The following ASPH variants were observed in gnomAD, a reference collection of about 807,000 sequenced individuals.
ASPH encodes the protein aspartyl/asparaginyl beta-hydroxylase.
In ASPH, 100 loss-of-function variants were observed where a neutral mutation model predicts 118.4. That is an observed-to-expected ratio of 0.84 (90% CI 0.72 to 1.00). The LOEUF (loss-of-function observed/expected upper bound fraction) is 1.00. Among genes scored for constraint, ASPH ranks in the 50% least tolerant of loss-of-function variants. ASPH has a pLI of 0.00. For synonymous variants in ASPH, 315 were observed against 325.6 expected (o/e 0.97, Z 0.35); for missense variants, 920 against 919.5 (o/e 1.00, Z -0.01).
chr8:61,550,988 G>A (rs1337741719), intron 20 of ASPH, among the ~76,000 whole-genome samples: 1 of 152,194 alleles, frequency 6.6e-6, no homozygotes, highest in Non-Finnish European at 1.5e-5. Context: ...ATCATTGAAT[G>A]AGAGAAGGAA....
At position 61,537,525 on chromosome 8, in the gene ASPH, A is replaced by G. The variant is rs1820078342; in HGVS notation, c.1764+10546T>C. 5.9e-5 allele frequency among the ~76,000 whole-genome samples: 9 copies of G among 152,186 alleles called. No individual in the cohort carries two copies. In the South Asian group the frequency reaches 1.9e-3, roughly 32 times the overall value. ...GTTGGGACTACAGGTGCACACCACC[A>G]TGCCTGGCTAATTTATTATTATTAT... On this transcript the variant is annotated intron_variant, in intron 21 of 24. Coordinates refer to ENST00000379454, the MANE Select transcript of ASPH (RefSeq NM_004318.4).
At chr8:61,626,383 A>ATTTT in intron 13 of ASPH, 1 of 1,006,608 alleles carries the variant, frequency 9.9e-7, no homozygotes, top group South Asian at 3.3e-5. Context: ...CAACAAAGTA[A>ATTTT]TTTTTTTTTT....
intron 19 of ASPH, among the ~76,000 whole-genome samples, chr8:61,554,455 T>C (rs370016745): frequency 1.2e-4 from 18 of 152,162 alleles, no homozygotes; most frequent in African/African-American, 4.1e-4. Context: ...AAAGAGATCA[T>C]AAAAGTGGAA....
intron 14 of ASPH, among the ~76,000 whole-genome samples, chr8:61,605,275 T>C (rs1410106631): frequency 6.6e-6 from 1 of 152,208 alleles, no homozygotes; most frequent in Non-Finnish European, 1.5e-5. Flanking sequence ...TACTCTTCTA[T>C]TGCATTTGGA....
intron 13 of ASPH, among the ~76,000 whole-genome samples, chr8:61,622,883 G>T (rs146333315): frequency 6.6e-6 from 1 of 152,198 alleles, no homozygotes; most frequent in African/African-American, 2.4e-5. Context: ...ATAAAAGTGG[G>T]TCTGCTTACC....
At chr8:61,531,132 C>T (rs1817419831) in intron 21 of ASPH, among the ~76,000 whole-genome samples, 1 of 152,150 alleles carries the variant, frequency 6.6e-6, no homozygotes. Context: ...TTTTGTAATG[C>T]ACTTCATACT....
At chr8:61,679,944 A>AT (rs58982709) in intron 3 of ASPH, among the ~76,000 whole-genome samples, 32,841 of 133,032 alleles carry the variant, frequency 0.25, 3,833 homozygotes, top group South Asian at 0.28. Flanking sequence ...GGCAATAATA[A>AT]AAAAAAAAAA....
chr8:61,673,219 G>A (rs555458415), intron 3 of ASPH, among the ~76,000 whole-genome samples: 1 of 152,242 alleles, frequency 6.6e-6, no homozygotes, highest in East Asian at 1.9e-4. Flanking sequence ...CAGCACCGAG[G>A]CGTCTGCAGG....
At chr8:61,641,586 A>G (rs1588510371) in intron 10 of ASPH, among the ~76,000 whole-genome samples, 2 of 152,284 alleles carry the variant, frequency 1.3e-5, no homozygotes, top group East Asian at 1.9e-4. Context: ...GATTTTTCCC[A>G]TGGTGTCATT....
chr8:61,517,533 C>G lies in ASPH; in HGVS notation c.2121G>C (p.Glu707Asp). 6.2e-7 allele frequency: 1 copy of G among 1,614,010 alleles called. No individual in the cohort carries two copies. The highest frequency in any genetic ancestry group is 8.5e-7 in the Non-Finnish European group (1 of 1,179,894). ...GGATAACAGAGGACCCATACTTGGT[C>G]TCGTTGGCACATCGAATCTTGCAGC... ...KEGCKIRCAN[E>D]TKTWEEGKVL... is the part of the protein sequence containing the mutation. The change falls in exon 24 of 25, where the codon GAG becomes GAC. Residue 707 changes from glutamate to aspartate, a missense_variant. Physicochemically the swap from Glu to Asp is conservative, Grantham distance 45 (BLOSUM62 2). Coordinates refer to ENST00000379454, the MANE Select transcript of ASPH (RefSeq NM_004318.4).
chr8:61,709,493 G>A (rs901529857), intron 1 of ASPH, among the ~76,000 whole-genome samples: 1 of 152,212 alleles, frequency 6.6e-6, no homozygotes, highest in Admixed American at 6.5e-5. Context: ...GTGCAGTGCA[G>A]AGCAGACACT....
At chr8:61,504,700 T>C (rs1483403267) in intron 24 of ASPH, among the ~76,000 whole-genome samples, 1 of 152,082 alleles carries the variant, frequency 6.6e-6, no homozygotes, top group African/African-American at 2.4e-5. Flanking sequence ...TACCATGAGG[T>C]TGGTGCAAAA....
chr8:61,601,565 A>T (rs1345009974), intron 14 of ASPH, among the ~76,000 whole-genome samples: 2 of 150,854 alleles, frequency 1.3e-5, no homozygotes, highest in Non-Finnish European at 2.9e-5. Context: ...GAGAAAAAAA[A>T]AAAACCTCAA....
At chr8:61,607,382 CACGCT>C in intron 14 of ASPH, 1 of 639,556 alleles carries the variant, frequency 1.6e-6, no homozygotes, top group South Asian at 1.7e-5. Flanking sequence ...TTCATCCATA[CACGCT>C]GACTTTTAAA....
At chr8:61,512,052 G>A (rs1379287526) in intron 24 of ASPH, among the ~76,000 whole-genome samples, 1 of 152,154 alleles carries the variant, frequency 6.6e-6, no homozygotes, top group African/African-American at 2.4e-5. Context: ...AGTACAGCAT[G>A]ATCCTAATTT....
intron 18 of ASPH, among the ~76,000 whole-genome samples, chr8:61,556,675 C>A (rs1023042806): frequency 3.9e-5 from 6 of 152,150 alleles, no homozygotes; most frequent in Admixed American, 2.0e-4. Flanking sequence ...ATGCAAAGTG[C>A]CTCTAAATTA....
Position 61,518,046 on chromosome 8 carries a change from ATCCTGTTGTCTCGGGGAACTTT to A in ASPH, c.1956_1977del (p.Glu652AspfsTer36). 1 of 1,613,540 alleles carries A rather than the reference ATCCTGTTGTCTCGGGGAACTTT, an allele frequency of 6.2e-7. No homozygotes were observed. The highest frequency in any genetic ancestry group is 2.2e-5 in the East Asian group (1 of 44,864). On this transcript the variant is annotated frameshift_variant, in exon 23 of 25. Transcript: ENST00000379454. LOFTEE classifies it high-confidence loss of function. ...ACTCTTGGTACCTGTCCTCTTCTGC[ATCCTGTTGTCTCGGGGAACTTT>A]TCTAGTAAGGTACAGGTTTTAGGAG... is the stretch of plus-strand genomic sequence containing the variant.
At chr8:61,570,171 A>T (rs980028762) in intron 16 of ASPH, among the ~76,000 whole-genome samples, 61 of 152,280 alleles carry the variant, frequency 4.0e-4, no homozygotes, top group African/African-American at 1.4e-3. Flanking sequence ...CAGAAAACTT[A>T]ATCAGCCTAC....
At chr8:61,523,612 G>T (rs1028558522) in intron 22 of ASPH, among the ~76,000 whole-genome samples, 1 of 151,814 alleles carries the variant, frequency 6.6e-6, no homozygotes, top group East Asian at 1.9e-4. Flanking sequence ...CCACCACACC[G>T]AGCCCCAAAT....
Sources: allele counts gnomAD v4.1 joint callset (sites outside exome capture counted in the v4.1 genomes callset), GRCh38; gene constraint gnomAD v4.1.1; transcripts MANE v1.5; gene names NCBI Gene and HGNC (gene_info 2026-07-23, HGNC 2026-07-21).